Variants in SEC61A2 observed in about 807,000 individuals in gnomAD.
The protein encoded by SEC61A2 is protein transport protein Sec61 subunit alpha isoform 2.
A neutral mutation model predicts 59.9 loss-of-function variants in SEC61A2; 28 were observed. The observed-to-expected ratio is 0.47, with a 90% CI of 0.35 to 0.64. The LOEUF is 0.64. SEC61A2 is among the 30% of genes least tolerant of loss of function. The pLI is 0.01. For synonymous variants in SEC61A2, 202 were observed against 214.4 expected (o/e 0.94, Z 0.50); for missense variants, 340 against 585.9 (o/e 0.58, Z 4.33).
rs1032846956 is a variant in SEC61A2 at position 12,155,233 on chromosome 10, T to C, written c.463-545T>C. On this transcript the variant is annotated intron_variant, in intron 6 of 11. Transcript: ENST00000298428. The surrounding 1 kb of genome is among the most constrained non-coding windows in gnomAD (Gnocchi z 4.3). ...GCTCGAGTACGTATTTGAGTACATA[T>C]TTGTGTTCTAGTTTTTTATTCTGTA... 25 of 1,004,698 alleles carry C rather than the reference T, an allele frequency of 2.5e-5. No homozygotes were observed. Among genetic ancestry groups the C allele is most frequent in the Non-Finnish European group, 3.4e-5 (25 of 744,022 alleles). 62.2% of individuals were successfully genotyped at this position (1,004,698 alleles called of 1,614,324 possible).
rs1224046099 is a variant in SEC61A2 at position 12,145,048 on chromosome 10, C to CA, written c.220+1863dup. Among the ~76,000 whole-genome samples, 38 of 142,818 alleles carry CA rather than the reference C, an allele frequency of 2.7e-4. No homozygotes were observed. Among genetic ancestry groups the CA allele is most frequent in the Admixed American group, 7.0e-4 (10 of 14,298 alleles). The allele number at this position is 142,818 out of a possible 152,430, so 93.7% of individuals were successfully genotyped here. On this transcript the variant is annotated intron_variant, in intron 4 of 11. Coordinates refer to ENST00000298428, the MANE Select transcript of SEC61A2 (RefSeq NM_018144.4). This position sits in a 1 kb window ranked among gnomAD's most constrained non-coding sequence, Gnocchi z 4.4. ...GGGGCGACACAACCAGACCCTGTCT[C>CA]AAAAAAAAAAGGAACATTGAGGAGG...
intron 1 of SEC61A2, chr10:12,130,776 G>A (rs7070684): frequency 0.4 from 61,678 of 153,988 alleles, 13,533 homozygotes; most frequent in Middle Eastern, 0.56. Flanking sequence ...AAGTAATTGC[G>A]GTTTTCAATT....
chr10:12,160,414 G>A lies in SEC61A2; in HGVS notation c.976-516G>A, dbSNP rs142687773. Among the ~76,000 whole-genome samples the A allele has an allele frequency of 3.0e-4, 45 of 152,268 alleles. No homozygotes were observed. The highest frequency in any genetic ancestry group is 1.0e-3 in the African/African-American group (43 of 41,554). ...CTGTTCCTATTTCTGTAAGATTTAAGTATATAGATAAAAATCCAATTATTA... is the reference window on the plus strand; with the variant it reads ...CTGTTCCTATTTCTGTAAGATTTAAATATATAGATAAAAATCCAATTATTA... On this transcript the variant is annotated intron_variant, in intron 9 of 11. Coordinates refer to ENST00000298428, the MANE Select transcript of SEC61A2 (RefSeq NM_018144.4). This position sits in a 1 kb window ranked among gnomAD's most constrained non-coding sequence, Gnocchi z 4.1.
At position 12,155,466 on chromosome 10, in the gene SEC61A2, T is replaced by C. The variant is rs1481036385; in HGVS notation, c.463-312T>C. The C allele has an allele frequency of 4.3e-6, 4 of 936,718 alleles. No individual in the cohort carries two copies. Among genetic ancestry groups the C allele is most frequent in the Non-Finnish European group, 6.2e-6 (4 of 646,460 alleles). 58.0% of individuals were successfully genotyped at this position (936,718 alleles called of 1,614,324 possible). On this transcript the variant is annotated intron_variant, in intron 6 of 11. Transcript: ENST00000298428. The surrounding 1 kb of genome is among the most constrained non-coding windows in gnomAD (Gnocchi z 4.3). Reference sequence around the variant, plus strand: ...ATTCTAGAATACTGTGATCATTTTTTGTTTCAGTGTGCTTTTCAAACAGGC... The same window carrying C: ...ATTCTAGAATACTGTGATCATTTTTCGTTTCAGTGTGCTTTTCAAACAGGC...
At position 12,153,750 on chromosome 10, in the gene SEC61A2, T is replaced by C. The variant is rs1353174974; in HGVS notation, c.463-2028T>C. On this transcript the variant is annotated intron_variant, in intron 6 of 11. Coordinates refer to ENST00000298428, the MANE Select transcript of SEC61A2 (RefSeq NM_018144.4). This position sits in a 1 kb window ranked among gnomAD's most constrained non-coding sequence, Gnocchi z 5.2. Reference sequence around the variant, plus strand: ...GTGTCTTTTCAAGGCGTTACTAACATTGAAAATATGTGGATACACTGAAGA... The same window carrying C: ...GTGTCTTTTCAAGGCGTTACTAACACTGAAAATATGTGGATACACTGAAGA... The C allele has an allele frequency of 7.4e-6, 12 of 1,611,376 alleles. No individual in the cohort carries two copies. The highest frequency in any genetic ancestry group is 1.0e-5 in the Non-Finnish European group (12 of 1,179,470).
In SEC61A2 at chr10:12,160,791, T is replaced by G; in HGVS notation, c.976-139T>G. 1 of 643,022 alleles carries G rather than the reference T, an allele frequency of 1.6e-6. No homozygotes were observed. Among genetic ancestry groups the G allele is most frequent in the Non-Finnish European group, 2.6e-6 (1 of 380,672 alleles). 39.8% of individuals were successfully genotyped at this position (643,022 alleles called of 1,614,324 possible). A position where few individuals can be genotyped will look rare whatever the true frequency, so the allele number is the denominator to read the frequency against. Reference sequence around the variant, plus strand: ...TGAAGGTAGTAGACACAAAAGTACATTCTGAAACTACATAGAATGACTAGC... The same window carrying G: ...TGAAGGTAGTAGACACAAAAGTACAGTCTGAAACTACATAGAATGACTAGC... On this transcript the variant is annotated intron_variant, in intron 9 of 11. Transcript: ENST00000298428. The surrounding 1 kb of genome is among the most constrained non-coding windows in gnomAD (Gnocchi z 4.1).
Position 12,143,278 on chromosome 10 carries a change from C to A in SEC61A2, c.220+83C>A. 1 of 976,944 alleles carries A rather than the reference C, an allele frequency of 1.0e-6. No individual in the cohort carries two copies. Among genetic ancestry groups the A allele is most frequent in the Non-Finnish European group, 1.7e-6 (1 of 603,474 alleles). 60.5% of individuals were successfully genotyped at this position (976,944 alleles called of 1,614,324 possible). On this transcript the variant is annotated intron_variant, in intron 4 of 11. Coordinates refer to ENST00000298428, the MANE Select transcript of SEC61A2 (RefSeq NM_018144.4). This position sits in a 1 kb window ranked among gnomAD's most constrained non-coding sequence, Gnocchi z 4.8. ...TGGATTAGCAATGAGTTTTCAATGT[C>A]TACAGGGAGGGGGAGGATATCATTG...
In SEC61A2 at chr10:12,142,500, T is replaced by C. The variant is rs1834042751; in HGVS notation, c.142-617T>C. ...GTGGATATCATCTTCAGTCTTACAT[T>C]GAGAAGAGTGACCTTGGCTGTCTTT... On this transcript the variant is annotated intron_variant, in intron 3 of 11. Transcript: ENST00000298428. The surrounding 1 kb of genome is among the most constrained non-coding windows in gnomAD (Gnocchi z 5.4). 1 of 981,430 alleles carries C rather than the reference T, an allele frequency of 1.0e-6. No homozygotes were observed. The highest frequency in any genetic ancestry group is 1.1e-4 in the East Asian group (1 of 8,822). 60.8% of individuals were successfully genotyped at this position (981,430 alleles called of 1,614,324 possible).
In SEC61A2 at chr10:12,157,946, C is replaced by T; in HGVS notation, c.816C>T (p.Tyr272=). 2 of 1,614,084 alleles carry T rather than the reference C, an allele frequency of 1.2e-6. No homozygotes were observed. The highest frequency in any genetic ancestry group is 1.7e-6 in the Non-Finnish European group (2 of 1,180,026). ...RVDLPIKSAR[Y]RGQYSSYPIK... ...ATCTGCCCATTAAGTCGGCCCGTTA[C>T]CGAGGACAGTACAGCAGCTACCCCA... The change falls in exon 9 of 12, where the codon TAC becomes TAT. Residue 272 remains tyrosine, a synonymous_variant. Coordinates refer to ENST00000298428, the MANE Select transcript of SEC61A2 (RefSeq NM_018144.4).
chr10:12,164,071 CAG>C lies in SEC61A2; in HGVS notation c.1245-194_1245-193del, dbSNP rs1156420329. 2.0e-5 allele frequency among the ~76,000 whole-genome samples: 3 copies of C among 152,326 alleles called. No individual in the cohort carries two copies. The highest frequency in any genetic ancestry group is 1.9e-4 in the East Asian group (1 of 5,188). On this transcript the variant is annotated intron_variant, in intron 11 of 11. Coordinates refer to ENST00000298428, the MANE Select transcript of SEC61A2 (RefSeq NM_018144.4). The surrounding 1 kb of genome is among the most constrained non-coding windows in gnomAD (Gnocchi z 7.3). Reference sequence around the variant, plus strand: ...TTGACTGGTTCCTGGAAATTAGGGTCAGAGTCTTTGCCTGGATCAGAGCTCCT... The same window carrying C: ...TTGACTGGTTCCTGGAAATTAGGGTCAGTCTTTGCCTGGATCAGAGCTCCT...
chr10:12,154,657 A>T lies in SEC61A2; in HGVS notation c.463-1121A>T, dbSNP rs945702980. On this transcript the variant is annotated intron_variant, in intron 6 of 11. Transcript: ENST00000298428. This position sits in a 1 kb window ranked among gnomAD's most constrained non-coding sequence, Gnocchi z 5.2. Reference sequence around the variant, plus strand: ...GAGAATCGTACCCTTTCTCCTGCCCATTGAAACTCAGACTAAAAGCCTGTA... The same window carrying T: ...GAGAATCGTACCCTTTCTCCTGCCCTTTGAAACTCAGACTAAAAGCCTGTA... Among the ~76,000 whole-genome samples the T allele has an allele frequency of 5.3e-5, 8 of 152,210 alleles. No homozygotes were observed. Among genetic ancestry groups the T allele is most frequent in the Non-Finnish European group, 8.8e-5 (6 of 68,042 alleles).
chr10:12,159,852 A>G (rs12247536), intron 9 of SEC61A2, among the ~76,000 whole-genome samples: 10,364 of 151,050 alleles, frequency 0.069, 800 homozygotes, highest in African/African-American at 0.18. Flanking sequence ...TTTTTGCATT[A>G]TAAGTTACAA....
chr10:12,147,589 G>A (rs1330774713), intron 4 of SEC61A2, among the ~76,000 whole-genome samples: 1 of 151,934 alleles, frequency 6.6e-6, no homozygotes, highest in African/African-American at 2.4e-5. Context: ...GGAGGCTGAG[G>A]CAGGAGAATC....
At chr10:12,167,850 A>G (rs781672040), downstream of SEC61A2, 2 of 1,610,276 alleles carry the variant, frequency 1.2e-6, no homozygotes, top group Non-Finnish European at 1.7e-6. Flanking sequence ...TCATGCCGTT[A>G]AGGAAGGACA....
Position 12,161,740 on chromosome 10 carries a change from CAA to C in SEC61A2, c.1168-470_1168-469del, listed in dbSNP as rs955722224. On this transcript the variant is annotated intron_variant, in intron 10 of 11. Transcript: ENST00000298428. This position sits in a 1 kb window ranked among gnomAD's most constrained non-coding sequence, Gnocchi z 5.4. Reference sequence around the variant, plus strand: ...TGGCGACAGAGCTAGACTCCGTCTCCAAAATAAATAAATAAATAGATAAATAA... The same window carrying C: ...TGGCGACAGAGCTAGACTCCGTCTCCAATAAATAAATAAATAGATAAATAA... Among the ~76,000 whole-genome samples, 112 of 151,696 alleles carry C rather than the reference CAA, an allele frequency of 7.4e-4. No individual in the cohort carries two copies. Among genetic ancestry groups the C allele is most frequent in the African/African-American group, 2.6e-3 (109 of 41,344 alleles).
chr10:12,157,664 A>G (rs1402755222), intron 8 of SEC61A2, among the ~76,000 whole-genome samples: 1 of 151,938 alleles, frequency 6.6e-6, no homozygotes, highest in Non-Finnish European at 1.5e-5. Context: ...CACCACACCC[A>G]GCTAATTTTT....
Position 12,149,406 on chromosome 10 carries a change from A to G in SEC61A2, c.221-189A>G, listed in dbSNP as rs1190783981. ...GCCAAGCCTATAGTACTTTTTATTC[A>G]GGGCATTGCTGCAGGATTGTGTTAA... is the stretch of plus-strand genomic sequence containing the variant. On this transcript the variant is annotated intron_variant, in intron 4 of 11. Transcript: ENST00000298428. The surrounding 1 kb of genome is among the most constrained non-coding windows in gnomAD (Gnocchi z 5.2). 6.6e-6 allele frequency among the ~76,000 whole-genome samples: 1 copy of G among 152,172 alleles called. No homozygotes were observed. The highest frequency in any genetic ancestry group is 1.9e-4 in the East Asian group (1 of 5,202).
chr10:12,169,069 C>T (rs894084317), downstream of SEC61A2, among the ~76,000 whole-genome samples: 1 of 152,096 alleles, frequency 6.6e-6, no homozygotes, highest in Non-Finnish European at 1.5e-5. This position sits in a 1 kb window ranked among gnomAD's most constrained non-coding sequence, Gnocchi z 4.8. Flanking sequence ...GGCCAGCAAA[C>T]TGATCTTAAA....
rs746500604 is a variant in SEC61A2 at position 12,162,464 on chromosome 10, C to T, written c.1244+175C>T. 3 of 760,158 alleles carry T rather than the reference C, an allele frequency of 3.9e-6. No individual in the cohort carries two copies. The highest frequency in any genetic ancestry group is 7.2e-6 in the Non-Finnish European group (3 of 414,532). The allele number at this position is 760,158 out of a possible 1,614,324, so 47.1% of individuals were successfully genotyped here. A position where few individuals can be genotyped will look rare whatever the true frequency, so the allele number is the denominator to read the frequency against. On this transcript the variant is annotated intron_variant, in intron 11 of 11. Coordinates refer to ENST00000298428, the MANE Select transcript of SEC61A2 (RefSeq NM_018144.4). This position sits in a 1 kb window ranked among gnomAD's most constrained non-coding sequence, Gnocchi z 6.1. ...TGTCAAAACCAACACCTGAATTTTT[C>T]ATTGAAATTGTGAGCACTGCTCTGC...
Sources: gnomAD v4.1 joint callset for allele counts (sites outside exome capture counted in the v4.1 genomes callset) on GRCh38, gnomAD v4.1.1 for gene constraint, Gnocchi (gnomAD v3.1) non-coding constraint, MANE v1.5 for transcripts, NCBI Gene and HGNC (gene_info 2026-07-23, HGNC 2026-07-21) for gene names.